The following MYOCD variants were observed in gnomAD, a reference collection of about 807,000 sequenced individuals.
MYOCD encodes myocardin.
MYOCD carries 32 observed loss-of-function variants against 96.1 expected under a neutral mutation model. The observed-to-expected ratio is 0.33, with a 90% CI of 0.25 to 0.45. MYOCD has a LOEUF of 0.45. Ranked by LOEUF, MYOCD falls within the 20% of genes least tolerant of loss-of-function variation. MYOCD has a pLI of 1.00. For synonymous variants in MYOCD, 469 were observed against 469.0 expected (o/e 1.00, Z 0.00); for missense variants, 1,133 against 1,200.6 (o/e 0.94, Z 0.83).
chr17:12,740,061 G>C (rs143886461), intron 7 of MYOCD, among the ~76,000 whole-genome samples: 3 of 151,672 alleles, frequency 2.0e-5, no homozygotes, highest in Non-Finnish European at 4.4e-5. Context: ...TCAGCCTCCC[G>C]AGTATCTGGG....
chr17:12,704,980 G>T, intron 1 of MYOCD, 148 bp from the exon 2 acceptor site: 1 of 616,602 alleles, frequency 1.6e-6, no homozygotes, highest in South Asian at 2.1e-5. Flanking sequence ...TTCTTCCACT[G>T]TGTCTACAAC....
At position 12,686,591 on chromosome 17, in the gene MYOCD, G is replaced by A. The variant is rs142799042; in HGVS notation, c.56-18537G>A. On this transcript the variant is annotated intron_variant, in intron 1 of 13. Transcript: ENST00000425538. ...AAGAAGGTTTCCATTTAGACACAGG[G>A]CTTATCGTATCTGCAAAACATGGAC... Among the ~76,000 whole-genome samples the A allele has an allele frequency of 1.9e-3, 285 of 152,288 alleles. 2 individuals are homozygous for A. The highest frequency in any genetic ancestry group is 3.0e-3 in the Non-Finnish European group (203 of 68,038).
At chr17:12,686,045 C>G (rs1281416229) in intron 1 of MYOCD, among the ~76,000 whole-genome samples, 2 of 152,162 alleles carry the variant, frequency 1.3e-5, no homozygotes. Context: ...TCTTAGATCC[C>G]TTGGTGAGAT....
Position 12,749,709 on chromosome 17 carries a change from G to GTATATATATACATATATGTATA in MYOCD, c.1126-2696_1126-2695insACATATATGTATATATATATAT, listed in dbSNP as rs779103102. The stretch of plus-strand genomic sequence containing the variant: ...TATGTGTATATATGTATACATATGT[G>GTATATATATACATATATGTATA]TATATATATGTGTGTGTGTATATAT... On this transcript the variant is annotated intron_variant, in intron 9 of 13. Transcript: ENST00000425538. Among the ~76,000 whole-genome samples the GTATATATATACATATATGTATA allele has an allele frequency of 4.9e-4, 68 of 139,220 alleles. 1 individual carries two copies. In the East Asian group the frequency reaches 9.8e-3, roughly 20 times the overall value. The allele number at this position is 139,220 out of a possible 152,430, so 91.3% of individuals were successfully genotyped here.
chr17:12,742,015 G>GA (rs1195636970), intron 7 of MYOCD, among the ~76,000 whole-genome samples: 1 of 151,950 alleles, frequency 6.6e-6, no homozygotes, highest in African/African-American at 2.4e-5. Context: ...GCAACATAGA[G>GA]AAAAAAAGCT....
In MYOCD at chr17:12,675,430, T is replaced by A. The variant is rs889498315; in HGVS notation, c.55+9187T>A. Among the ~76,000 whole-genome samples, 39 of 152,146 alleles carry A rather than the reference T, an allele frequency of 2.6e-4. 1 individual carries two copies. The highest frequency in any genetic ancestry group is 2.9e-4 in the Non-Finnish European group (20 of 68,016). On this transcript the variant is annotated intron_variant, in intron 1 of 13. Coordinates refer to ENST00000425538, the MANE Select transcript of MYOCD (RefSeq NM_001146312.3). Reference sequence around the variant, plus strand: ...AATATATTCACAGTATAGAATACAATAAAACACAATGCAAAGCAAAAAGAA... The same window carrying A: ...AATATATTCACAGTATAGAATACAAAAAAACACAATGCAAAGCAAAAAGAA...
intron 1 of MYOCD, chr17:12,672,318 A>G (rs1029045949): frequency 6.6e-6 from 1 of 152,242 alleles, no homozygotes; most frequent in Non-Finnish European, 1.5e-5. Flanking sequence ...CGATGAACAC[A>G]AATAGGATTA....
rs145766779 is a variant in MYOCD at position 12,723,329 on chromosome 17, T to A, written c.415+321T>A. ...TTAGGAGTCACAGTCATGGTCCTGTTTAGCCTTCCTTGTTTAAAGAGAGGT... is the reference window on the plus strand; with the variant it reads ...TTAGGAGTCACAGTCATGGTCCTGTATAGCCTTCCTTGTTTAAAGAGAGGT... On this transcript the variant is annotated intron_variant, in intron 5 of 13. Coordinates refer to ENST00000425538, the MANE Select transcript of MYOCD (RefSeq NM_001146312.3). Among the ~76,000 whole-genome samples the A allele has an allele frequency of 1.2e-3, 179 of 152,250 alleles. 1 individual carries two copies. The highest frequency in any genetic ancestry group is 4.1e-3 in the African/African-American group (169 of 41,546).
chr17:12,690,273 T>A (rs534263424), intron 1 of MYOCD, among the ~76,000 whole-genome samples: 1 of 152,318 alleles, frequency 6.6e-6, no homozygotes, highest in African/African-American at 2.4e-5. Context: ...CATGTTTGAC[T>A]CATTAAAAAA....
rs143315007 is a variant in MYOCD at position 12,763,300 on chromosome 17, C to G, written c.2617C>G (p.Leu873Val). The change falls in exon 14 of 14, where the codon CTT becomes GTT. Residue 873 changes from leucine to valine, a missense_variant. Leu to Val is a conservative substitution (Grantham distance 32). Transcript: ENST00000425538. The part of the protein sequence containing the change: ...SPLGKMSDVT[L>V]LKIGSEEPHF... ...CCTAGGAAAGATGAGTGATGTCACC[C>G]TTCTAAAAATTGGGAGCGAAGAGCC... is the stretch of plus-strand genomic sequence containing the variant. 3.1e-6 allele frequency: 5 copies of G among 1,609,800 alleles called. No homozygotes were observed. Among genetic ancestry groups the G allele is most frequent in the Non-Finnish European group, 4.2e-6 (5 of 1,178,442 alleles).
intron 4 of MYOCD, among the ~76,000 whole-genome samples, chr17:12,721,299 C>T (rs972528894): frequency 1.3e-5 from 2 of 152,092 alleles, no homozygotes; most frequent in African/African-American, 4.8e-5. Flanking sequence ...TGGGAATTAG[C>T]TTCTTGGAGC....
At chr17:12,683,143 T>A (rs2029892134) in intron 1 of MYOCD, among the ~76,000 whole-genome samples, 1 of 152,186 alleles carries the variant, frequency 6.6e-6, no homozygotes, top group African/African-American at 2.4e-5. Context: ...CCAATTCATG[T>A]GGGTGAAAAT....
chr17:12,761,636 C>CACAT (rs1405495986), intron 13 of MYOCD: 1 of 141,968 alleles, frequency 7.0e-6, no homozygotes, highest in African/African-American at 2.7e-5. Flanking sequence ...CACACACACA[C>CACAT]ATTTTTGAGA....
At chr17:12,688,678 T>TCTTC (rs143481112) in intron 1 of MYOCD, among the ~76,000 whole-genome samples, 9 of 149,820 alleles carry the variant, frequency 6.0e-5, no homozygotes, top group East Asian at 3.9e-4. Context: ...TTCATTCCTT[T>TCTTC]CTTCCTTCCT....
At chr17:12,670,404 A>T (rs557591302) in intron 1 of MYOCD, among the ~76,000 whole-genome samples, 1 of 152,274 alleles carries the variant, frequency 6.6e-6, no homozygotes, top group East Asian at 1.9e-4. Context: ...AGGACGACTG[A>T]TTCCTACTTT....
chr17:12,734,473 G>GCCTA (rs1345357969), intron 5 of MYOCD, among the ~76,000 whole-genome samples: 10 of 142,692 alleles, frequency 7.0e-5, no homozygotes, highest in Non-Finnish European at 1.5e-5. Flanking sequence ...CCTACTGCAT[G>GCCTA]CCTACCTGGC....
At chr17:12,740,641 A>G (rs898833346) in intron 7 of MYOCD, among the ~76,000 whole-genome samples, 1 of 152,172 alleles carries the variant, frequency 6.6e-6, no homozygotes, top group Non-Finnish European at 1.5e-5. Flanking sequence ...CCAGCATCGC[A>G]TCTCACAGTA....
intron 12 of MYOCD, among the ~76,000 whole-genome samples, chr17:12,758,565 A>T (rs2033079968): frequency 6.6e-6 from 1 of 152,232 alleles, no homozygotes; most frequent in African/African-American, 2.4e-5. Context: ...GTTCAGGCAC[A>T]TAATACCTTC....
chr17:12,756,542 A>G lies in MYOCD; in HGVS notation c.2187A>G (p.Pro729=). The change falls in exon 11 of 14, where the codon CCA becomes CCG. Residue 729 remains proline, a synonymous_variant. Transcript: ENST00000425538. ...GAGGNPCPKS[P]CVQQKMAGLH... ...GGGGAAACCCTTGTCCCAAAAGCCC[A>G]TGTGTACAGCAAAAGGTAGGCACCT... 6.4e-7 allele frequency: 1 copy of G among 1,551,514 alleles called. No individual in the cohort carries two copies. Among genetic ancestry groups the G allele is most frequent in the Non-Finnish European group, 8.7e-7 (1 of 1,146,958 alleles).
Sources: allele counts gnomAD v4.1 joint callset (sites outside exome capture counted in the v4.1 genomes callset), GRCh38; gene constraint gnomAD v4.1.1; transcripts MANE v1.5; gene names NCBI Gene and HGNC (gene_info 2026-07-23, HGNC 2026-07-21).